The following CFTR variants were observed in gnomAD, a reference collection of about 807,000 sequenced individuals.
The protein encoded by CFTR is cystic fibrosis transmembrane conductance regulator.
A neutral mutation model predicts 171.6 loss-of-function variants in CFTR; 181 were observed. The ratio of observed to expected loss-of-function variants is 1.05; its 90% CI spans 0.93 to 1.19. The LOEUF (loss-of-function observed/expected upper bound fraction) is 1.19. Ranked by LOEUF, CFTR falls within the 50% of genes most tolerant of loss-of-function variation. CFTR has a pLI of 0.00. For missense variants in CFTR, 1,968 were observed against 1,734.7 expected (o/e 1.13, Z -2.39); for synonymous variants, 583 against 608.0 (o/e 0.96, Z 0.60).
At chr7:117,516,173 G>A (rs1380567834) in intron 3 of CFTR, among the ~76,000 whole-genome samples, 1 of 151,970 alleles carries the variant, frequency 6.6e-6, no homozygotes, top group Non-Finnish European at 1.5e-5. Context: ...AATATGACAT[G>A]GTGAAACAAA....
intron 23 of CFTR, among the ~76,000 whole-genome samples, chr7:117,646,569 G>GCGGGCTAA: frequency 6.6e-6 from 1 of 152,160 alleles, no homozygotes; most frequent in Admixed American, 6.6e-5. Flanking sequence ...CTTGACAAGT[G>GCGGGCTAA]CCAACATGGC....
chr7:117,500,202 G>A (rs1487639229), intron 1 of CFTR, among the ~76,000 whole-genome samples: 1 of 148,704 alleles, frequency 6.7e-6, no homozygotes, highest in Non-Finnish European at 1.5e-5. Context: ...TAGATGTCTG[G>A]TTTTTTTTTG....
At chr7:117,582,946 T>C (rs946874399) in intron 11 of CFTR, among the ~76,000 whole-genome samples, 26 of 152,144 alleles carry the variant, frequency 1.7e-4, no homozygotes, top group African/African-American at 5.8e-4. Flanking sequence ...GATCTCTTTC[T>C]CTAATATTTT....
chr7:117,512,633 CAAA>C (rs5886861), intron 3 of CFTR, among the ~76,000 whole-genome samples: 6 of 68,886 alleles, frequency 8.7e-5, no homozygotes, highest in East Asian at 4.3e-4. Flanking sequence ...GACTCCATCT[CAAA>C]AAAAAAAAAA....
chr7:117,551,866 C>A (rs1385907587), intron 10 of CFTR, among the ~76,000 whole-genome samples: 1 of 152,158 alleles, frequency 6.6e-6, no homozygotes, highest in African/African-American at 2.4e-5. Flanking sequence ...ATTCCTGACA[C>A]CACCTTGTCT....
At position 117,647,351 on chromosome 7, in the gene CFTR, G is replaced by C. The variant is rs186685265; in HGVS notation, c.3873+4758G>C. The C allele has an allele frequency of 7.9e-5, 12 of 152,210 alleles. No homozygotes were observed. The East Asian group carries it at 1.9e-3, about 25-fold the overall frequency. 9.4% of individuals were successfully genotyped at this position (152,210 alleles called of 1,614,324 possible). On this transcript the variant is annotated intron_variant, in intron 23 of 26. Transcript: ENST00000003084. ...AAGAAAATAAATGTAACTGGCTCAC[G>C]GTTCTTCAGGCTGTACGGGAAGCAT... is the stretch of plus-strand genomic sequence containing the variant.
chr7:117,626,672 C>T (rs1402016615), intron 21 of CFTR, among the ~76,000 whole-genome samples: 3 of 151,764 alleles, frequency 2.0e-5, no homozygotes, highest in Non-Finnish European at 4.4e-5. Context: ...ATATTCATTC[C>T]TTTATTCATG....
chr7:117,642,914 C>T (rs145417399), intron 23 of CFTR, among the ~76,000 whole-genome samples: 91 of 152,180 alleles, frequency 6.0e-4, no homozygotes, highest in Admixed American at 1.2e-3. Context: ...AGTTAGCAAT[C>T]GCCAGGTTGA....
intron 3 of CFTR, among the ~76,000 whole-genome samples, chr7:117,519,955 G>A (rs1437552980): frequency 1.3e-5 from 2 of 151,810 alleles, no homozygotes; most frequent in Non-Finnish European, 2.9e-5. Flanking sequence ...TCCAGAAAAG[G>A]TGCACTACTA....
At position 117,665,577 on chromosome 7, in the gene CFTR, A is replaced by G. The variant is rs76179227; in HGVS notation, c.4242+13A>G. 5,963 of 1,488,290 alleles carry G rather than the reference A, an allele frequency of 4.0e-3. 23 individuals are homozygous for G. The highest frequency in any genetic ancestry group is 4.6e-3 in the Non-Finnish European group (4,909 of 1,065,870). 92.2% of individuals were successfully genotyped at this position (1,488,290 alleles called of 1,614,324 possible). On this transcript the variant is annotated intron_variant, in intron 26 of 26. Transcript: ENST00000003084. ...CCAACAATTTTTGGTGAGTCTTTAT[A>G]ACTTTACTTAAGATCTCATTGCCCT...
chr7:117,575,046 T>C (rs1031650240), intron 11 of CFTR, among the ~76,000 whole-genome samples: 5 of 152,172 alleles, frequency 3.3e-5, no homozygotes, highest in Non-Finnish European at 7.4e-5. Context: ...AATACTGCAA[T>C]GAAAATCTTT....
chr7:117,594,229 T>C (rs747580595), intron 14 of CFTR, among the ~76,000 whole-genome samples: 42 of 152,204 alleles, frequency 2.8e-4, no homozygotes, highest in Admixed American at 2.2e-3. Flanking sequence ...CAGTGCACTA[T>C]ATCCCAATTC....
chr7:117,633,722 A>C (rs891502067), intron 22 of CFTR, among the ~76,000 whole-genome samples: 1 of 151,848 alleles, frequency 6.6e-6, no homozygotes, highest in African/African-American at 2.4e-5. Flanking sequence ...ATGGGTGTTA[A>C]ATTTTGTGAA....
intron 24 of CFTR, among the ~76,000 whole-genome samples, chr7:117,653,447 T>G (rs886437037): frequency 1.3e-5 from 2 of 152,186 alleles, no homozygotes; most frequent in Admixed American, 1.3e-4. Flanking sequence ...GATGGTGCTT[T>G]CTTGCTGTGT....
chr7:117,578,268 A>G (rs1179313506), intron 11 of CFTR, among the ~76,000 whole-genome samples: 1 of 151,982 alleles, frequency 6.6e-6, no homozygotes, highest in Non-Finnish European at 1.5e-5. Flanking sequence ...CTGACTCAAC[A>G]TGAAAACTAT....
intron 15 of CFTR, among the ~76,000 whole-genome samples, chr7:117,600,222 C>T (rs531034837): frequency 6.6e-6 from 1 of 152,054 alleles, no homozygotes; most frequent in Non-Finnish European, 1.5e-5. Flanking sequence ...AACATTTTCC[C>T]TACTACAGGG....
chr7:117,649,495 GTGTATA>G lies in CFTR; in HGVS notation c.3874-3345_3874-3340del, dbSNP rs767860087. Among the ~76,000 whole-genome samples, 165 of 138,486 alleles carry G rather than the reference GTGTATA, an allele frequency of 1.2e-3. No individual in the cohort carries two copies. In the East Asian group the frequency reaches 0.013, roughly 11 times the overall value. The allele number at this position is 138,486 out of a possible 152,430, so 90.9% of individuals were successfully genotyped here. A position where few individuals can be genotyped will look rare whatever the true frequency, so the allele number is the denominator to read the frequency against. On this transcript the variant is annotated intron_variant, in intron 23 of 26. Coordinates refer to ENST00000003084, the MANE Select transcript of CFTR (RefSeq NM_000492.4). Reference sequence around the variant, plus strand: ...GTACATATATATATAGTGTGTGTGTGTGTATATATATATATATATATATATTTTTTT... The same window carrying G: ...GTACATATATATATAGTGTGTGTGTGTATATATATATATATATATTTTTTT...
intron 15 of CFTR, among the ~76,000 whole-genome samples, chr7:117,597,830 CG>C (rs958360753): frequency 4.0e-5 from 6 of 149,664 alleles, no homozygotes; most frequent in Admixed American, 6.7e-5. Flanking sequence ...AAAAAAGGGG[CG>C]GGGGGGCAGA....
At chr7:117,550,419 T>C (rs895792339) in intron 10 of CFTR, among the ~76,000 whole-genome samples, 9 of 152,220 alleles carry the variant, frequency 5.9e-5, no homozygotes, top group Admixed American at 1.3e-4. Flanking sequence ...AAACAGCTTT[T>C]AAAACAAAAT....
Sources: gnomAD v4.1 joint callset for allele counts (sites outside exome capture counted in the v4.1 genomes callset) on GRCh38, gnomAD v4.1.1 for gene constraint, MANE v1.5 for transcripts, NCBI Gene and HGNC (gene_info 2026-07-23, HGNC 2026-07-21) for gene names.